The following NDFIP1 variants were observed in gnomAD, a reference collection of about 807,000 sequenced individuals.
NDFIP1 encodes NEDD4 family-interacting protein 1.
A neutral mutation model predicts 28.8 loss-of-function variants in NDFIP1; 7 were observed. The ratio of observed to expected loss-of-function variants is 0.24; its 90% CI spans 0.14 to 0.46. The LOEUF (loss-of-function observed/expected upper bound fraction) is 0.46. Ranked by LOEUF, NDFIP1 falls within the 20% of genes least tolerant of loss-of-function variation. The probability of loss-of-function intolerance (pLI) is 0.99; values close to 1 mark genes in which losing one functional copy is unlikely to be tolerated. For missense variants in NDFIP1, 194 were observed against 269.1 expected, an observed-to-expected ratio of 0.72 and a Z score of 1.95; for synonymous variants, 92 against 101.0, an observed-to-expected ratio of 0.91 and a Z score of 0.53.
chr5:142,124,246 C>T (rs1478089984), intron 1 of NDFIP1, among the ~76,000 whole-genome samples: 1 of 152,026 alleles, frequency 6.6e-6, no homozygotes, highest in Non-Finnish European at 1.5e-5. Context: ...CTGGTGCCAC[C>T]CCAAAACCTT....
intron 6 of NDFIP1, chr5:142,142,843 G>A (rs56685902): frequency 0.092 from 13,411 of 145,096 alleles, 746 homozygotes; most frequent in African/African-American, 0.16. Context: ...GCTTGAACCC[G>A]AGAGACGGAG....
At chr5:142,128,955 TG>T (rs1428989605) in intron 1 of NDFIP1, among the ~76,000 whole-genome samples, 3 of 152,182 alleles carry the variant, frequency 2.0e-5, no homozygotes, top group Admixed American at 1.3e-4. Context: ...TTATAAATAT[TG>T]TCATAGAAGA....
chr5:142,114,212 CTTG>C (rs1757042307), intron 1 of NDFIP1, among the ~76,000 whole-genome samples: 1 of 152,154 alleles, frequency 6.6e-6, no homozygotes, highest in Non-Finnish European at 1.5e-5. Flanking sequence ...CCTCAACATA[CTTG>C]TTATGTTCTC....
chr5:142,142,940 A>AAAATATATAT (rs60076432), intron 6 of NDFIP1: 24 of 38,144 alleles, frequency 6.3e-4, no homozygotes, highest in African/African-American at 2.6e-3. Flanking sequence ...AAAAAAAAAA[A>AAAATATATAT]ATATATATAT....
intron 3 of NDFIP1, among the ~76,000 whole-genome samples, 169 bp downstream of exon 3, chr5:142,132,511 A>T (rs887203520): frequency 2.4e-4 from 36 of 152,222 alleles, no homozygotes; most frequent in Non-Finnish European, 4.7e-4. Flanking sequence ...TCTTCTTAAA[A>T]ATGATGAGGT....
chr5:142,153,607 G>T lies in NDFIP1; in HGVS notation c.*1879G>T. 3.4e-6 allele frequency: 1 copy of T among 293,096 alleles called. No homozygotes were observed. The highest frequency in any genetic ancestry group is 6.8e-6 in the Non-Finnish European group (1 of 146,824). 18.2% of individuals were successfully genotyped at this position (293,096 alleles called of 1,614,324 possible). On this transcript the variant is annotated 3_prime_UTR_variant, in exon 8 of 8. Coordinates refer to ENST00000253814, the MANE Select transcript of NDFIP1 (RefSeq NM_030571.4). ...GGAGTTTTATGGAAGTTTCTTTGAA[G>T]ATTTTTTTTTTTCCATTTCGAATCA...
rs1408777792 is a variant in NDFIP1 at position 142,152,971 on chromosome 5, G to T, written c.*1243G>T. 3.8e-6 allele frequency: 1 copy of T among 263,972 alleles called. No homozygotes were observed. Among genetic ancestry groups the T allele is most frequent in the Non-Finnish European group, 7.5e-6 (1 of 133,682 alleles). The allele number at this position is 263,972 out of a possible 1,614,324, so 16.4% of individuals were successfully genotyped here. On this transcript the variant is annotated 3_prime_UTR_variant, in exon 8 of 8. Transcript: ENST00000253814. Reference sequence around the variant, plus strand: ...ATTCCTAAAAATGTATTTGAACATTGGTTCTGTAAAAGATAATGGACTAAA... The same window carrying T: ...ATTCCTAAAAATGTATTTGAACATTTGTTCTGTAAAAGATAATGGACTAAA...
intron 5 of NDFIP1, among the ~76,000 whole-genome samples, chr5:142,140,228 C>T (rs1344704136): frequency 6.6e-6 from 1 of 152,004 alleles, no homozygotes; most frequent in Admixed American, 6.6e-5. Flanking sequence ...GTGGGTGGAT[C>T]ACCTGAGGTA....
rs1756981003 is a variant in NDFIP1, at chr5:142,108,934, A to C, written c.-41A>C. 2 of 1,412,364 alleles carry C rather than the reference A, an allele frequency of 1.4e-6. No individual in the cohort carries two copies. Among genetic ancestry groups the C allele is most frequent in the Non-Finnish European group, 1.8e-6 (2 of 1,083,276 alleles). 87.5% of individuals were successfully genotyped at this position (1,412,364 alleles called of 1,614,324 possible). On this transcript the variant is annotated 5_prime_UTR_variant, in exon 1 of 8. Transcript: ENST00000253814. ...CCGCAGCGGCCGCGCCCCTTCAGCT[A>C]GCTCGCTCGCTCGCTCTGCTTCCCT...
At chr5:142,119,779 C>A (rs1757104323) in intron 1 of NDFIP1, among the ~76,000 whole-genome samples, 1 of 152,102 alleles carries the variant, frequency 6.6e-6, no homozygotes, top group Non-Finnish European at 1.5e-5. Flanking sequence ...AATAGTATAA[C>A]ATAACACTCA....
chr5:142,115,039 T>C (rs1169944554), intron 1 of NDFIP1, among the ~76,000 whole-genome samples: 1 of 152,220 alleles, frequency 6.6e-6, no homozygotes, highest in African/African-American at 2.4e-5. Flanking sequence ...TAACTGCACA[T>C]AACTTCAAAT....
Position 142,132,345 on chromosome 5 carries a change from G to A in NDFIP1, c.282+3G>A. ...CTATCCCTTTGGTTCCTGGGAGAGT[G>A]AGTATAATTTGCCATGTTACTTGAT... On this transcript the variant is annotated splice_donor_region_variant and intron_variant, in intron 3 of 7. Coordinates refer to ENST00000253814, the MANE Select transcript of NDFIP1 (RefSeq NM_030571.4). 6.2e-7 allele frequency: 1 copy of A among 1,607,164 alleles called. No homozygotes were observed. Among genetic ancestry groups the A allele is most frequent in the Non-Finnish European group, 8.5e-7 (1 of 1,178,352 alleles).
intron 1 of NDFIP1, among the ~76,000 whole-genome samples, chr5:142,116,346 CCT>C (rs1757067154): frequency 4.4e-5 from 3 of 67,494 alleles, no homozygotes; most frequent in East Asian, 3.3e-4. Context: ...TTCCTTCCTT[CCT>C]TCTTTCTCTC....
chr5:142,131,763 C>T (rs1757230042), intron 1 of NDFIP1, 45 bp from the exon 2 acceptor site: 6 of 1,444,312 alleles, frequency 4.2e-6, no homozygotes, highest in African/African-American at 1.5e-5. Flanking sequence ...TCTTATCTTT[C>T]TAATTGGCTT....
At chr5:142,137,964 T>A in intron 5 of NDFIP1, 106 bp downstream of exon 5, 2 of 1,394,216 alleles carry the variant, frequency 1.4e-6, no homozygotes, top group African/African-American at 1.4e-5. Flanking sequence ...TTCAGTGTGT[T>A]AAATGATTTT....
chr5:142,145,345 C>G lies in NDFIP1; in HGVS notation c.*2+669C>G, dbSNP rs182124012. Among the ~76,000 whole-genome samples, 7 of 152,308 alleles carry G rather than the reference C, an allele frequency of 4.6e-5. No homozygotes were observed. The East Asian group carries it at 1.4e-3, about 29-fold the overall frequency. On this transcript the variant is annotated intron_variant, in intron 7 of 7. Transcript: ENST00000253814. ...TTTTCCCCAGAGGCTGACACTCCAT[C>G]TTACATCAATGGCTGCCTGAAGGAA...
At chr5:142,123,750 C>T (rs1209501629) in intron 1 of NDFIP1, among the ~76,000 whole-genome samples, 9 of 152,080 alleles carry the variant, frequency 5.9e-5, no homozygotes, top group Non-Finnish European at 7.4e-5. Context: ...AAAAGATGAC[C>T]AGTTCCTGCT....
intron 7 of NDFIP1, 146 bp downstream of exon 7, chr5:142,144,822 C>T (rs1757371870): frequency 4.0e-6 from 2 of 494,248 alleles, no homozygotes; most frequent in East Asian, 3.2e-5. Context: ...AGTTTCTTGT[C>T]TAGTAACAGG....
At chr5:142,150,008 C>T (rs991078736) in intron 7 of NDFIP1, among the ~76,000 whole-genome samples, 5 of 151,990 alleles carry the variant, frequency 3.3e-5, no homozygotes, top group South Asian at 4.2e-4. Context: ...AGTGAAACCC[C>T]GTCTCTACTA....
Sources: gnomAD v4.1 joint callset for allele counts (sites outside exome capture counted in the v4.1 genomes callset) on GRCh38, gnomAD v4.1.1 for gene constraint, MANE v1.5 for transcripts, NCBI Gene and HGNC (gene_info 2026-07-23, HGNC 2026-07-21) for gene names.